WWOX: variants seen among roughly 807,000 people sequenced by gnomAD.
WWOX encodes the protein WW domain-containing oxidoreductase.
WWOX carries 69 observed loss-of-function variants against 46.2 expected under a neutral mutation model. The ratio of observed to expected loss-of-function variants is 1.49; its 90% CI spans 1.23 to 1.82. The LOEUF (loss-of-function observed/expected upper bound fraction) is 1.82. WWOX is among the 40% of genes most tolerant of loss of function. WWOX has a pLI of 0.00. For missense variants in WWOX, 919 were observed against 542.6 expected, an observed-to-expected ratio of 1.69 and a Z score of -6.89; for synonymous variants, 359 against 202.6, an observed-to-expected ratio of 1.77 and a Z score of -6.56.
At chr16:78,683,825 G>C (rs548686946) in intron 8 of WWOX, among the ~76,000 whole-genome samples, 2 of 152,166 alleles carry the variant, frequency 1.3e-5, no homozygotes, top group African/African-American at 2.4e-5. Context: ...ATGTAATTCA[G>C]ATTTTCTGAG....
intron 8 of WWOX, among the ~76,000 whole-genome samples, chr16:78,716,685 G>C (rs551307679): frequency 6.6e-6 from 1 of 151,652 alleles, no homozygotes; most frequent in African/African-American, 2.4e-5. Flanking sequence ...CACCCAAGGA[G>C]AATCATGGGA....
At chr16:78,400,754 A>G (rs2151943677) in intron 6 of WWOX, among the ~76,000 whole-genome samples, 1 of 152,320 alleles carries the variant, frequency 6.6e-6, no homozygotes, top group East Asian at 1.9e-4. Context: ...AATCCAAGAG[A>G]TCATTAAATT....
chr16:78,523,899 C>T (rs1023809027), intron 8 of WWOX, among the ~76,000 whole-genome samples: 2 of 152,226 alleles, frequency 1.3e-5, no homozygotes, highest in Admixed American at 6.5e-5. Flanking sequence ...CAGGTAAGAA[C>T]ACAGCCCCAT....
At chr16:78,984,006 T>G (rs557855507) in intron 8 of WWOX, among the ~76,000 whole-genome samples, 1 of 150,910 alleles carries the variant, frequency 6.6e-6, no homozygotes, top group Admixed American at 6.7e-5. Context: ...GCCTCCCGAG[T>G]AGCTGGGACT....
At chr16:78,992,094 T>G (rs1257482500) in intron 8 of WWOX, among the ~76,000 whole-genome samples, 2 of 152,174 alleles carry the variant, frequency 1.3e-5, no homozygotes, top group East Asian at 3.8e-4. Flanking sequence ...ACACCTGTGA[T>G]GTGCTAGTTA....
At chr16:78,798,160 C>A (rs975885099) in intron 8 of WWOX, among the ~76,000 whole-genome samples, 1 of 152,118 alleles carries the variant, frequency 6.6e-6, no homozygotes, top group Admixed American at 6.5e-5. Flanking sequence ...GCGCAGAGGT[C>A]ATGATACCAA....
At chr16:78,152,729 C>T (rs1293254331) in intron 4 of WWOX, among the ~76,000 whole-genome samples, 1 of 152,210 alleles carries the variant, frequency 6.6e-6, no homozygotes, top group Admixed American at 6.5e-5. Flanking sequence ...AGTAGCCAGC[C>T]TGGGGTCAGT....
At chr16:78,707,475 C>T (rs1016133836) in intron 8 of WWOX, among the ~76,000 whole-genome samples, 3 of 152,202 alleles carry the variant, frequency 2.0e-5, no homozygotes, top group African/African-American at 7.2e-5. Context: ...GCTTCCTTCT[C>T]AGCTCATTCT....
At chr16:78,273,715 A>G (rs1466606046) in intron 5 of WWOX, among the ~76,000 whole-genome samples, 1 of 152,222 alleles carries the variant, frequency 6.6e-6, no homozygotes, top group Non-Finnish European at 1.5e-5. Context: ...GGTAAAATCA[A>G]CAAGATTTGG....
At chr16:78,987,104 C>T (rs183785580) in intron 8 of WWOX, among the ~76,000 whole-genome samples, 1 of 152,136 alleles carries the variant, frequency 6.6e-6, no homozygotes, top group African/African-American at 2.4e-5. Context: ...AACTAACTTG[C>T]CACTTTGATA....
chr16:79,058,098 A>G (rs978436972), intron 8 of WWOX, among the ~76,000 whole-genome samples: 44 of 142,456 alleles, frequency 3.1e-4, no homozygotes, highest in Non-Finnish European at 5.1e-4. Context: ...TAGGAGATAT[A>G]TCTTACTTAA....
Position 78,837,212 on chromosome 16 carries a change from A to G in WWOX, c.1057-374396A>G, listed in dbSNP as rs147240718. Among the ~76,000 whole-genome samples the G allele has an allele frequency of 6.8e-4, 103 of 152,322 alleles. 2 individuals carry two copies. In the Middle Eastern group the frequency reaches 0.014, roughly 20 times the overall value. ...TATTATAACTGCTAGGCTGAACCAG[A>G]AGACTTGAGCTATGTAAAAATGTCA... On this transcript the variant is annotated intron_variant, in intron 8 of 8. Coordinates refer to ENST00000566780, the MANE Select transcript of WWOX (RefSeq NM_016373.4).
At chr16:78,893,481 C>G (rs113169665) in intron 8 of WWOX, among the ~76,000 whole-genome samples, 4 of 152,290 alleles carry the variant, frequency 2.6e-5, no homozygotes, top group African/African-American at 7.2e-5. Flanking sequence ...CAGGCTAGAA[C>G]AAGTGCCTGA....
intron 8 of WWOX, among the ~76,000 whole-genome samples, chr16:78,902,184 A>G (rs772130710): frequency 9.2e-5 from 14 of 152,182 alleles, no homozygotes; most frequent in Non-Finnish European, 1.5e-4. Context: ...CCTGCAGCTG[A>G]TCCGGTGGTG....
chr16:79,126,778 A>T (rs1361279001), intron 8 of WWOX, among the ~76,000 whole-genome samples: 4 of 152,190 alleles, frequency 2.6e-5, no homozygotes, highest in African/African-American at 4.8e-5. Flanking sequence ...TCCAGCCTAC[A>T]TAAATTTAGA....
intron 8 of WWOX, among the ~76,000 whole-genome samples, chr16:78,558,332 C>G (rs145475631): frequency 4.1e-4 from 63 of 152,284 alleles, no homozygotes; most frequent in African/African-American, 1.4e-3. Context: ...GTTTGGCCTG[C>G]TGAAGTTTGT....
intron 8 of WWOX, among the ~76,000 whole-genome samples, chr16:78,659,257 C>G (rs2047155877): frequency 6.6e-6 from 1 of 152,150 alleles, no homozygotes; most frequent in Non-Finnish European, 1.5e-5. Flanking sequence ...ACGTGACTCA[C>G]AGAGATAACC....
At chr16:78,638,386 GCTGGGT>G (rs1402808937) in intron 8 of WWOX, among the ~76,000 whole-genome samples, 1 of 151,982 alleles carries the variant, frequency 6.6e-6, no homozygotes, top group Non-Finnish European at 1.5e-5. Flanking sequence ...TCCCCCTCTG[GCTGGGT>G]CTGCCTTTCC....
intron 8 of WWOX, among the ~76,000 whole-genome samples, chr16:78,926,529 A>G (rs1484725375): frequency 6.6e-6 from 1 of 152,188 alleles, no homozygotes; most frequent in African/African-American, 2.4e-5. Flanking sequence ...AGTCGCAGCC[A>G]TTTAAAAACT....
Sources: allele counts gnomAD v4.1 joint callset (sites outside exome capture counted in the v4.1 genomes callset), GRCh38; gene constraint gnomAD v4.1.1; transcripts MANE v1.5; gene names NCBI Gene and HGNC (gene_info 2026-07-23, HGNC 2026-07-21).